Variants in NOL4 observed in about 807,000 individuals in gnomAD.
The protein encoded by NOL4 is cancer/testis antigen 125.
A neutral mutation model predicts 75.9 loss-of-function variants in NOL4; 17 were observed. The ratio of observed to expected loss-of-function variants is 0.22; its 90% CI spans 0.15 to 0.34. NOL4 has a LOEUF of 0.34. Ranked by LOEUF, NOL4 falls within the 10% of genes least tolerant of loss-of-function variation. NOL4 has a pLI of 1.00. For missense variants in NOL4, 614 were observed against 793.5 expected (o/e 0.77, Z 2.72); for synonymous variants, 292 against 289.9 (o/e 1.01, Z -0.07).
At chr18:34,098,858 T>C (rs1268233863) in intron 4 of NOL4, among the ~76,000 whole-genome samples, 1 of 152,180 alleles carries the variant, frequency 6.6e-6, no homozygotes, top group Non-Finnish European at 1.5e-5. Flanking sequence ...GCTAAAAACC[T>C]TGGTGCCCCA....
chr18:34,174,090 T>C (rs2033309204), intron 1 of NOL4, among the ~76,000 whole-genome samples: 1 of 152,118 alleles, frequency 6.6e-6, no homozygotes, highest in Non-Finnish European at 1.5e-5. Context: ...CATGTAACAA[T>C]AAGTGAAGTG....
At chr18:34,182,007 A>G (rs2034080691) in intron 1 of NOL4, among the ~76,000 whole-genome samples, 1 of 151,634 alleles carries the variant, frequency 6.6e-6, no homozygotes, top group Non-Finnish European at 1.5e-5. Context: ...GCAGTTCTCC[A>G]AAAAGTTAAG....
intron 5 of NOL4, among the ~76,000 whole-genome samples, chr18:34,032,031 G>T (rs931267726): frequency 2.6e-5 from 4 of 152,262 alleles, no homozygotes; most frequent in African/African-American, 9.6e-5. Context: ...TAGTGGTGCT[G>T]CAGCTGAGGT....
chr18:33,908,845 A>G (rs1236787801), intron 9 of NOL4, among the ~76,000 whole-genome samples: 1 of 152,158 alleles, frequency 6.6e-6, no homozygotes, highest in Non-Finnish European at 1.5e-5. Context: ...TGGGTGTTAT[A>G]TGGTGTATAC....
intron 6 of NOL4, among the ~76,000 whole-genome samples, chr18:33,980,498 G>A (rs1358281061): frequency 6.6e-6 from 1 of 151,934 alleles, no homozygotes. Context: ...TATTTTACCA[G>A]AGCCTAAATT....
At chr18:34,046,132 T>C (rs1408901332) in intron 5 of NOL4, among the ~76,000 whole-genome samples, 1 of 152,110 alleles carries the variant, frequency 6.6e-6, no homozygotes, top group Non-Finnish European at 1.5e-5. Flanking sequence ...TCAGACCATT[T>C]CCATATCACC....
Position 34,019,468 on chromosome 18 carries a change from C to T in NOL4, c.906G>A (p.Gln302=). Residue 302 remains glutamine, a synonymous_variant, in exon 6 of 11, where the codon CAG becomes CAA. Coordinates refer to ENST00000261592, the MANE Select transcript of NOL4 (RefSeq NM_003787.5). ...DGKTGLEQDE[Q]PLNLSDSPLS... ...GGGGACTGTCACTCAGGTTCAGTGG[C>T]TGTTCATCTTGCTCCAGCCCAGTTT... 6.2e-7 allele frequency: 1 copy of T among 1,614,032 alleles called. No homozygotes were observed. Among genetic ancestry groups the T allele is most frequent in the Non-Finnish European group, 8.5e-7 (1 of 1,180,002 alleles).
chr18:34,163,492 C>T (rs530991109), intron 1 of NOL4, among the ~76,000 whole-genome samples: 2,732 of 151,924 alleles, frequency 0.018, 72 homozygotes, highest in African/African-American at 0.062. Context: ...CCATTCACAA[C>T]TGCTTCAAAG....
intron 5 of NOL4, among the ~76,000 whole-genome samples, chr18:34,027,482 G>T (rs974269617): frequency 5.3e-5 from 8 of 152,302 alleles, no homozygotes; most frequent in African/African-American, 1.9e-4. Flanking sequence ...GAGGACAGGG[G>T]CTAGGCTTTT....
chr18:34,025,908 C>T (rs1413158716), intron 5 of NOL4, among the ~76,000 whole-genome samples: 2 of 152,106 alleles, frequency 1.3e-5, no homozygotes, highest in African/African-American at 2.4e-5. Flanking sequence ...CTCCTAAACT[C>T]TCCTACCCCT....
intron 5 of NOL4, among the ~76,000 whole-genome samples, chr18:34,024,384 A>C (rs2075240519): frequency 6.6e-6 from 1 of 151,114 alleles, no homozygotes; most frequent in Non-Finnish European, 1.5e-5. Flanking sequence ...TTACCGTAAA[A>C]CTAAGTATTA....
At chr18:34,167,382 C>T (rs935172993) in intron 1 of NOL4, among the ~76,000 whole-genome samples, 1 of 152,086 alleles carries the variant, frequency 6.6e-6, no homozygotes, top group African/African-American at 2.4e-5. Context: ...CTTCTCTAAT[C>T]TGTCGATACT....
intron 1 of NOL4, among the ~76,000 whole-genome samples, chr18:34,192,200 A>T (rs1266734671): frequency 6.6e-6 from 1 of 152,178 alleles, no homozygotes; most frequent in Non-Finnish European, 1.5e-5. Flanking sequence ...AGTAAAACAA[A>T]TCATTGATGA....
At chr18:34,137,779 TACACAC>T (rs1156472289) in intron 1 of NOL4, among the ~76,000 whole-genome samples, 1 of 147,044 alleles carries the variant, frequency 6.8e-6, no homozygotes, top group African/African-American at 2.5e-5. Context: ...ATATACGAAA[TACACAC>T]ACACACACAC....
intron 6 of NOL4, among the ~76,000 whole-genome samples, chr18:33,977,022 A>T (rs144960520): frequency 0.011 from 1,640 of 152,258 alleles, 45 homozygotes; most frequent in Admixed American, 0.051. Flanking sequence ...TTTTAAAAAT[A>T]ACTCTAATAG....
chr18:34,020,140 C>T (rs1281570494), intron 5 of NOL4, among the ~76,000 whole-genome samples: 2 of 151,980 alleles, frequency 1.3e-5, no homozygotes, highest in African/African-American at 4.8e-5. Context: ...ATCCTTTTTT[C>T]TTTATAAATT....
At chr18:34,215,439 T>TAACAAA (rs1204192754) in intron 1 of NOL4, among the ~76,000 whole-genome samples, 1 of 152,142 alleles carries the variant, frequency 6.6e-6, no homozygotes, top group Non-Finnish European at 1.5e-5. Context: ...ATAGGCATAT[T>TAACAAA]TTATTATATG....
chr18:34,160,176 T>C (rs1257191272), intron 1 of NOL4, among the ~76,000 whole-genome samples: 2 of 152,180 alleles, frequency 1.3e-5, no homozygotes, highest in East Asian at 1.9e-4. Context: ...CAAGAAACTC[T>C]ATTGTTCAGC....
At chr18:33,891,600 G>C (rs2065097942) in intron 9 of NOL4, among the ~76,000 whole-genome samples, 1 of 152,038 alleles carries the variant, frequency 6.6e-6, no homozygotes, top group Non-Finnish European at 1.5e-5. Context: ...GAAAAATGGT[G>C]GCTCTTCTGA....
Sources: gnomAD v4.1 joint callset for allele counts (sites outside exome capture counted in the v4.1 genomes callset) on GRCh38, gnomAD v4.1.1 for gene constraint, MANE v1.5 for transcripts, NCBI Gene and HGNC (gene_info 2026-07-23, HGNC 2026-07-21) for gene names.